The following RIN3 variants were observed in gnomAD, a reference collection of about 807,000 sequenced individuals.
RIN3 encodes Ras and Rab interactor 3.
A neutral mutation model predicts 76.3 loss-of-function variants in RIN3; 54 were observed. The ratio of observed to expected loss-of-function variants is 0.71; its 90% confidence interval spans 0.57 to 0.89. The LOEUF is 0.89. RIN3 is among the 40% of genes least tolerant of loss of function. RIN3 has a pLI of 0.00. For missense variants in RIN3, 1,256 were observed against 1,322.1 expected (o/e 0.95, Z 0.78); for synonymous variants, 576 against 564.0 (o/e 1.02, Z -0.30).
Position 92,664,735 on chromosome 14 carries a change from C to T in RIN3, c.2335+5266C>T, listed in dbSNP as rs546745755. ...GTCTGAATAGCGTAAGGGTAACTTA[C>T]ATACACCTGTGTCCTTTACCCCAAA... On this transcript the variant is annotated intron_variant, in intron 7 of 9. Coordinates refer to ENST00000216487, the MANE Select transcript of RIN3 (RefSeq NM_024832.5). Among the ~76,000 whole-genome samples, 8 of 152,266 alleles carry T rather than the reference C, an allele frequency of 5.3e-5. No homozygotes were observed. In the South Asian group the frequency reaches 1.4e-3, roughly 28 times the overall value.
chr14:92,607,018 T>C lies in RIN3; in HGVS notation c.368-8389T>C, dbSNP rs1885551603. Among the ~76,000 whole-genome samples the C allele has an allele frequency of 2.6e-5, 4 of 152,186 alleles. No individual in the cohort carries two copies. In the South Asian group the frequency reaches 8.3e-4, roughly 32 times the overall value. On this transcript the variant is annotated intron_variant, in intron 3 of 9. Transcript: ENST00000216487. ...GTCCATCAACTGATGAGTGGAAAAA[T>C]ACAATGTGATATATCCATACAGTAA...
intron 3 of RIN3, among the ~76,000 whole-genome samples, chr14:92,591,832 AT>A (rs1416615905): frequency 2.0e-5 from 3 of 152,230 alleles, no homozygotes; most frequent in Non-Finnish European, 2.9e-5. Context: ...AAATGTTAAA[AT>A]TTCTTTAGAG....
At position 92,556,060 on chromosome 14, in the gene RIN3, T is replaced by C. The variant is rs565337754; in HGVS notation, c.249+105T>C. 3 of 884,426 alleles carry C rather than the reference T, an allele frequency of 3.4e-6. No homozygotes were observed. In the East Asian group the frequency reaches 7.5e-5, roughly 22 times the overall value. 54.8% of individuals were successfully genotyped at this position (884,426 alleles called of 1,614,324 possible). A position where few individuals can be genotyped will look rare whatever the true frequency, so the allele number is the denominator to read the frequency against. ...CACAGGGAAGCAGCTACCATGCAGATGACTGCATGTTTATTTCCCTTTCCT... is the reference window on the plus strand; with the variant it reads ...CACAGGGAAGCAGCTACCATGCAGACGACTGCATGTTTATTTCCCTTTCCT... On this transcript the variant is annotated intron_variant, in intron 2 of 9. Transcript: ENST00000216487.
chr14:92,626,786 C>T (rs1886372177), intron 4 of RIN3, among the ~76,000 whole-genome samples: 2 of 152,054 alleles, frequency 1.3e-5, no homozygotes, highest in South Asian at 4.2e-4. Flanking sequence ...TAGAGGGTTC[C>T]AGGAGTTGGG....
intron 7 of RIN3, among the ~76,000 whole-genome samples, chr14:92,667,022 T>C (rs1016264575): frequency 6.6e-6 from 1 of 152,110 alleles, no homozygotes; most frequent in East Asian, 1.9e-4. Flanking sequence ...TCCCCTGCCA[T>C]CCACTTCCCT....
chr14:92,617,882 A>G (rs1886031680), intron 4 of RIN3, among the ~76,000 whole-genome samples: 1 of 152,242 alleles, frequency 6.6e-6, no homozygotes, highest in Non-Finnish European at 1.5e-5. Context: ...CCTTTACAGT[A>G]GAATTTGCTG....
Position 92,652,627 on chromosome 14 carries a change from G to A in RIN3, c.1578G>A (p.Glu526=). 1 of 1,611,162 alleles carries A rather than the reference G, an allele frequency of 6.2e-7. No individual in the cohort carries two copies. Among genetic ancestry groups the A allele is most frequent in the Non-Finnish European group, 8.5e-7 (1 of 1,179,866 alleles). Reference sequence around the variant, plus strand: ...CTGCCCATTCCCAGAGCTCTCCAGAGTTCAAGGGCTCCCTGGCCTCCCTCT... The same window carrying A: ...CTGCCCATTCCCAGAGCTCTCCAGAATTCAAGGGCTCCCTGGCCTCCCTCT... ...QATAHSQSSP[E]FKGSLASLSD... Residue 526 remains glutamate, a synonymous_variant, in exon 6 of 10, where the codon GAG becomes GAA. Transcript: ENST00000216487. The surrounding 1 kb of genome is among the most constrained non-coding windows in gnomAD (Gnocchi z 6.4).
intron 3 of RIN3, among the ~76,000 whole-genome samples, chr14:92,600,737 CTCGAGCAGGGTG>C (rs1885314798): frequency 6.6e-6 from 1 of 152,252 alleles, no homozygotes; most frequent in African/African-American, 2.4e-5. Flanking sequence ...GGTTCTCTCT[CTCGAGCAGGGTG>C]TCTGAAACAC....
At chr14:92,610,516 G>A (rs541334118) in intron 3 of RIN3, among the ~76,000 whole-genome samples, 48 of 152,306 alleles carry the variant, frequency 3.2e-4, no homozygotes, top group African/African-American at 8.4e-4. Flanking sequence ...CTCCTGCCCC[G>A]GCTGTAGTCC....
intron 3 of RIN3, among the ~76,000 whole-genome samples, chr14:92,597,309 G>A (rs1885184553): frequency 6.6e-6 from 1 of 152,220 alleles, no homozygotes; most frequent in Non-Finnish European, 1.5e-5. Flanking sequence ...TGCATAATGT[G>A]AGACTATTAG....
intron 4 of RIN3, among the ~76,000 whole-genome samples, chr14:92,626,601 T>A (rs531784112): frequency 6.6e-6 from 1 of 152,262 alleles, no homozygotes; most frequent in African/African-American, 2.4e-5. Context: ...TAGGGAAGGA[T>A]ACTTAGGCTG....
intron 7 of RIN3, among the ~76,000 whole-genome samples, chr14:92,668,501 C>T (rs1888185044): frequency 6.6e-6 from 1 of 152,088 alleles, no homozygotes; most frequent in South Asian, 2.1e-4. Flanking sequence ...CACAGTGTAG[C>T]TCAGAGCAGA....
At chr14:92,658,380 G>A (rs10142011) in intron 6 of RIN3, among the ~76,000 whole-genome samples, 202 of 152,370 alleles carry the variant, frequency 1.3e-3, no homozygotes, top group African/African-American at 4.6e-3. Flanking sequence ...TGGCAGAGCA[G>A]CCTGAGCATG....
At chr14:92,557,493 A>G (rs1359419801) in intron 2 of RIN3, among the ~76,000 whole-genome samples, 1 of 152,236 alleles carries the variant, frequency 6.6e-6, no homozygotes, top group Non-Finnish European at 1.5e-5. Context: ...CCAGACGTAT[A>G]AGTACAGGGC....
At chr14:92,534,595 A>G (rs548942597) in intron 1 of RIN3, among the ~76,000 whole-genome samples, 1 of 150,008 alleles carries the variant, frequency 6.7e-6, no homozygotes, top group Admixed American at 6.6e-5. Flanking sequence ...CTCAAAAAAA[A>G]AAAACAAAAA....
chr14:92,651,509 C>G (rs1887418470), intron 5 of RIN3, 73 bp from the exon 6 acceptor site: 1 of 1,000,456 alleles, frequency 1.0e-6, no homozygotes, highest in Non-Finnish European at 1.4e-6. Flanking sequence ...ACCCCGCCCA[C>G]AGACCCCGCC....
intron 4 of RIN3, among the ~76,000 whole-genome samples, chr14:92,638,281 TG>T (rs1886848361): frequency 2.0e-5 from 3 of 151,854 alleles, no homozygotes; most frequent in Admixed American, 1.3e-4. Context: ...GGGAAATGAG[TG>T]GGGCACACCC....
chr14:92,622,473 AACCCAGC>A (rs1886216064), intron 4 of RIN3, among the ~76,000 whole-genome samples: 1 of 152,244 alleles, frequency 6.6e-6, no homozygotes, highest in African/African-American at 2.4e-5. Context: ...CCACAAAGTG[AACCCAGC>A]ACTCAGGCAA....
intron 2 of RIN3, among the ~76,000 whole-genome samples, chr14:92,562,164 A>C (rs1371241191): frequency 1.3e-5 from 2 of 152,206 alleles, no homozygotes; most frequent in African/African-American, 4.8e-5. Flanking sequence ...CTCCACTAGG[A>C]CTTGTCTGAT....
Sources: gnomAD v4.1 joint callset for allele counts (sites outside exome capture counted in the v4.1 genomes callset) on GRCh38, gnomAD v4.1.1 for gene constraint, Gnocchi (gnomAD v3.1) non-coding constraint, MANE v1.5 for transcripts, NCBI Gene and HGNC (gene_info 2026-07-23, HGNC 2026-07-21) for gene names.